PLCD1: variants seen among roughly 807,000 people sequenced by gnomAD.
The protein encoded by PLCD1 is phospholipase C delta 1.
In PLCD1, 71 loss-of-function variants were observed where a neutral mutation model predicts 87.4. The ratio of observed to expected loss-of-function variants is 0.81; its 90% CI spans 0.67 to 0.99. The LOEUF (loss-of-function observed/expected upper bound fraction) is 0.99. Ranked by LOEUF, PLCD1 falls within the 50% of genes least tolerant of loss-of-function variation. PLCD1 has a pLI of 0.00. For synonymous variants in PLCD1, 348 were observed against 399.2 expected (o/e 0.87, Z 1.53); for missense variants, 867 against 1,001.5 (o/e 0.87, Z 1.81).
chr3:38,008,535 G>T lies in PLCD1; in HGVS notation c.1825C>A (p.Arg609=), dbSNP rs139380872. The T allele has an allele frequency of 1.7e-4, 271 of 1,614,058 alleles. 1 individual carries two copies. Among genetic ancestry groups the T allele is most frequent in the Non-Finnish European group, 2.1e-4 (247 of 1,180,018 alleles). Residue 609 remains arginine, a synonymous_variant, in exon 12 of 15, where the codon CGA becomes AGA. Coordinates refer to ENST00000334661, the MANE Select transcript of PLCD1 (RefSeq NM_006225.4). The part of the protein sequence containing the change: ...CGYVLKPAFL[R]DPNGTFNPRA... ...GGGTTAAAGGTGCCGTTGGGGTCTCGCAGGAAGGCGGGCTTCAGCACGTAC... is the reference window on the plus strand; with the variant it reads ...GGGTTAAAGGTGCCGTTGGGGTCTCTCAGGAAGGCGGGCTTCAGCACGTAC...
At chr3:38,024,228 T>G in intron 1 of PLCD1, 1 of 958,264 alleles carries the variant, frequency 1.0e-6, no homozygotes, top group Non-Finnish European at 1.6e-6. Flanking sequence ...ACATGTCCAA[T>G]TAAAGGCTCC....
At chr3:38,024,956 A>T (rs1377789747) in intron 1 of PLCD1, among the ~76,000 whole-genome samples, 1 of 151,936 alleles carries the variant, frequency 6.6e-6, no homozygotes, top group African/African-American at 2.4e-5. Context: ...GGCCCCGCGG[A>T]GGCGGAGTGG....
intron 11 of PLCD1, 179 bp from the exon 12 acceptor site, chr3:38,008,815 A>C (rs1700012895): frequency 1.5e-6 from 1 of 679,372 alleles, no homozygotes; most frequent in Non-Finnish European, 2.6e-6. Context: ...CACACCTTCC[A>C]TTCCTGGTGT....
intron 1 of PLCD1, among the ~76,000 whole-genome samples, chr3:38,023,998 A>G (rs1370680268): frequency 6.6e-6 from 1 of 150,580 alleles, no homozygotes; most frequent in Non-Finnish European, 1.5e-5. Context: ...TTGAAGCACA[A>G]ACTCTTGCAG....
At chr3:38,019,470 C>T (rs752745766) in intron 2 of PLCD1, among the ~76,000 whole-genome samples, 1 of 152,078 alleles carries the variant, frequency 6.6e-6, no homozygotes, top group Non-Finnish European at 1.5e-5. Flanking sequence ...CTAAAATTTC[C>T]CCACCAAGTA....
At chr3:38,011,508 T>C (rs754959387) in intron 4 of PLCD1, 36 bp downstream of exon 4, 23 of 1,613,894 alleles carry the variant, frequency 1.4e-5, no homozygotes, top group Non-Finnish European at 1.6e-5. Flanking sequence ...AAGGGCCCCA[T>C]GGACAGGCAG....
rs570152585 is a variant in PLCD1, at chr3:38,017,601, C to T, written c.200-882G>A. On this transcript the variant is annotated intron_variant, in intron 2 of 14. Transcript: ENST00000334661. The surrounding 1 kb of genome is among the most constrained non-coding windows in gnomAD (Gnocchi z 4.7). Reference sequence around the variant, plus strand: ...GTGCCCTCCATGGCCTGGCCAGGAGCCAGTTCTTCCAGTCAGGCTCATGCT... The same window carrying T: ...GTGCCCTCCATGGCCTGGCCAGGAGTCAGTTCTTCCAGTCAGGCTCATGCT... 6.6e-6 allele frequency among the ~76,000 whole-genome samples: 1 copy of T among 152,286 alleles called. No individual in the cohort carries two copies. The highest frequency in any genetic ancestry group is 2.4e-5 in the African/African-American group (1 of 41,568).
chr3:38,018,038 T>C lies in PLCD1; in HGVS notation c.200-1319A>G, dbSNP rs1372309262. On this transcript the variant is annotated intron_variant, in intron 2 of 14. Coordinates refer to ENST00000334661, the MANE Select transcript of PLCD1 (RefSeq NM_006225.4). This position sits in a 1 kb window ranked among gnomAD's most constrained non-coding sequence, Gnocchi z 5.7. ...CACCCACACAGAGAGAAAGTCCAGA[T>C]GCCTTCACTGCTGATAACACCTTTG... is the stretch of plus-strand genomic sequence containing the variant. Among the ~76,000 whole-genome samples, 1 of 152,148 alleles carries C rather than the reference T, an allele frequency of 6.6e-6. No individual in the cohort carries two copies. The highest frequency in any genetic ancestry group is 2.4e-5 in the African/African-American group (1 of 41,428).
At chr3:38,011,173 G>C in intron 5 of PLCD1, 41 bp downstream of exon 5, 1 of 1,496,058 alleles carries the variant, frequency 6.7e-7, no homozygotes, top group Non-Finnish European at 9.2e-7. Context: ...GCCCAGTGCG[G>C]CCCTGCGACT....
chr3:38,016,121 CT>C (rs1559375015), intron 3 of PLCD1, among the ~76,000 whole-genome samples: 1 of 152,098 alleles, frequency 6.6e-6, no homozygotes, highest in Non-Finnish European at 1.5e-5. Flanking sequence ...GAGATAAGGC[CT>C]TTGGAAGATA....
At chr3:38,016,015 G>C (rs1700149249) in intron 3 of PLCD1, among the ~76,000 whole-genome samples, 1 of 152,184 alleles carries the variant, frequency 6.6e-6, no homozygotes, top group Non-Finnish European at 1.5e-5. Flanking sequence ...AGGGCTTCAT[G>C]TATCTTCCCT....
At chr3:38,012,089 A>T (rs2125545276) in intron 3 of PLCD1, among the ~76,000 whole-genome samples, 1 of 140,096 alleles carries the variant, frequency 7.1e-6, no homozygotes, top group East Asian at 2.0e-4. Flanking sequence ...GTGCAGTGGC[A>T]CAATCACAGC....
At chr3:38,013,029 A>T (rs1700104804) in intron 3 of PLCD1, among the ~76,000 whole-genome samples, 1 of 151,724 alleles carries the variant, frequency 6.6e-6, no homozygotes, top group Non-Finnish European at 1.5e-5. Context: ...AGCTGGAACT[A>T]CAGGTGCATG....
intron 1 of PLCD1, among the ~76,000 whole-genome samples, chr3:38,026,367 A>C (rs2125552513): frequency 6.6e-6 from 1 of 152,176 alleles, no homozygotes; most frequent in African/African-American, 2.4e-5. Flanking sequence ...AAAAATACAA[A>C]AATTAGCCGG....
Position 38,007,796 on chromosome 3 carries a change from C to CAAAG in PLCD1, c.2244_2247dup (p.Val750LeufsTer52). On this transcript the variant is annotated frameshift_variant, in exon 15 of 15. Transcript: ENST00000334661. LOFTEE classifies it high-confidence loss of function. ...GCCTAGTCCTGGAGGGAGATCTTCA[C>CAAAG]AAAGAGGGTGGCTGATGGATGCTGG... 2 of 1,614,180 alleles carry CAAAG rather than the reference C, an allele frequency of 1.2e-6. No homozygotes were observed. Among genetic ancestry groups the CAAAG allele is most frequent in the Non-Finnish European group, 8.5e-7 (1 of 1,180,002 alleles).
rs1490955238 is a variant in PLCD1 at position 38,017,134 on chromosome 3, G to T, written c.200-415C>A. On this transcript the variant is annotated intron_variant, in intron 2 of 14. Coordinates refer to ENST00000334661, the MANE Select transcript of PLCD1 (RefSeq NM_006225.4). This position sits in a 1 kb window ranked among gnomAD's most constrained non-coding sequence, Gnocchi z 4.7. ...AGAGATGCGGACAGACCACTCTGGAGTGTGGGGCCCATGACAGAGAAGGGC... is the reference window on the plus strand; with the variant it reads ...AGAGATGCGGACAGACCACTCTGGATTGTGGGGCCCATGACAGAGAAGGGC... Among the ~76,000 whole-genome samples, 2 of 152,122 alleles carry T rather than the reference G, an allele frequency of 1.3e-5. No individual in the cohort carries two copies. The highest frequency in any genetic ancestry group is 4.8e-5 in the African/African-American group (2 of 41,400).
intron 1 of PLCD1, chr3:38,024,527 G>C (rs953752036): frequency 7.2e-6 from 11 of 1,520,418 alleles, no homozygotes; most frequent in African/African-American, 2.8e-5. Context: ...CTCTGGTCCG[G>C]GGGGCGGAAC....
chr3:38,008,940 T>G, intron 11 of PLCD1, 102 bp downstream of exon 11: 1 of 914,696 alleles, frequency 1.1e-6, no homozygotes, highest in Non-Finnish European at 1.8e-6. Context: ...TGACCCTGCT[T>G]GGGTCCTCAG....
chr3:38,020,745 G>A (rs1173858694), intron 1 of PLCD1, among the ~76,000 whole-genome samples: 1 of 152,182 alleles, frequency 6.6e-6, no homozygotes, highest in African/African-American at 2.4e-5. Context: ...GCCCCTCCTG[G>A]TCACACTTAG....
Sources: gnomAD v4.1 joint callset for allele counts (sites outside exome capture counted in the v4.1 genomes callset) on GRCh38, gnomAD v4.1.1 for gene constraint, Gnocchi (gnomAD v3.1) non-coding constraint, MANE v1.5 for transcripts, NCBI Gene and HGNC (gene_info 2026-07-23, HGNC 2026-07-21) for gene names.